Variants in CIITA observed in about 807,000 individuals in gnomAD.
CIITA encodes the protein class II major histocompatibility complex transactivator, also known as MHC class II transactivator.
In CIITA, 72 loss-of-function variants were observed where a neutral mutation model predicts 115.1. The observed-to-expected ratio is 0.63, with a 90% CI of 0.52 to 0.76. The LOEUF is 0.76. Among genes scored for constraint, CIITA ranks in the 30% least tolerant of loss-of-function variants. The probability of loss-of-function intolerance (pLI) is 0.00; values close to 1 mark genes in which losing one functional copy is unlikely to be tolerated. For missense variants in CIITA, 1,617 were observed against 1,463.8 expected, an observed-to-expected ratio of 1.10 and a Z score of -1.71; for synonymous variants, 763 against 635.6, an observed-to-expected ratio of 1.20 and a Z score of -3.02.
chr16:10,893,499 T>C (rs529453527), intron 1 of CIITA, among the ~76,000 whole-genome samples: 2 of 152,264 alleles, frequency 1.3e-5, no homozygotes, highest in African/African-American at 4.8e-5. Flanking sequence ...TTTATTGAGA[T>C]GTAATTCACA....
At chr16:10,887,408 G>A (rs2037065521) in intron 1 of CIITA, among the ~76,000 whole-genome samples, 1 of 152,152 alleles carries the variant, frequency 6.6e-6, no homozygotes, top group African/African-American at 2.4e-5. Flanking sequence ...CTCAAACCAT[G>A]TCTCTAGGCA....
chr16:10,905,390 AC>A (rs2039067507), intron 10 of CIITA, among the ~76,000 whole-genome samples: 1 of 152,106 alleles, frequency 6.6e-6, no homozygotes, highest in African/African-American at 2.4e-5. Flanking sequence ...TTAACTCTTA[AC>A]ACTCCCTCCC....
intron 16 of CIITA, among the ~76,000 whole-genome samples, chr16:10,919,448 C>T (rs561475194): frequency 3.9e-5 from 6 of 152,258 alleles, no homozygotes; most frequent in South Asian, 4.1e-4. Flanking sequence ...CCACCTGCCT[C>T]GGCCTCCCAA....
At chr16:10,885,965 T>C (rs963999458) in intron 1 of CIITA, among the ~76,000 whole-genome samples, 1 of 152,192 alleles carries the variant, frequency 6.6e-6, no homozygotes, top group African/African-American at 2.4e-5. Flanking sequence ...TTTCTCTTCA[T>C]TAATGTCCCT....
In CIITA at chr16:10,922,482, G is replaced by A. The variant is rs1319803512; in HGVS notation, c.3309G>A (p.Glu1103=). ...AASLRRCPHV[E]TLAMWTPTIP... Reference sequence around the variant, plus strand: ...GCCTTCGGAGGTGTCCTCATGTGGAGACGCTGGCGTAAGTCCAGGCAACCC... The same window carrying A: ...GCCTTCGGAGGTGTCCTCATGTGGAAACGCTGGCGTAAGTCCAGGCAACCC... The change falls in exon 18 of 20, where the codon GAG becomes GAA. Residue 1103 remains glutamate, a synonymous_variant. Coordinates refer to ENST00000324288, the MANE Select transcript of CIITA (RefSeq NM_000246.4). The A allele has an allele frequency of 6.2e-6, 10 of 1,613,922 alleles. No individual in the cohort carries two copies. The South Asian group carries it at 9.9e-5, about 16-fold the overall frequency.
intron 1 of CIITA, among the ~76,000 whole-genome samples, chr16:10,892,436 G>A (rs2037693166): frequency 6.6e-6 from 1 of 152,218 alleles, no homozygotes; most frequent in Non-Finnish European, 1.5e-5. Flanking sequence ...GAACAGGGCA[G>A]TAGGAGCCTC....
intron 1 of CIITA, among the ~76,000 whole-genome samples, chr16:10,890,828 T>C (rs1238690249): frequency 1.3e-5 from 2 of 152,218 alleles, no homozygotes; most frequent in African/African-American, 4.8e-5. Context: ...GCCAGTCCCA[T>C]TGCTAAGGGC....
rs769134821 is a variant in CIITA, at chr16:10,909,024, C to A, written c.2658-5C>A. On this transcript the variant is annotated splice_polypyrimidine_tract_variant and splice_region_variant and intron_variant, in intron 11 of 19. Coordinates refer to ENST00000324288, the MANE Select transcript of CIITA (RefSeq NM_000246.4). ...GTGCCTGGGTCTGAGGCCCTCCCTC[C>A]ACAGGGCTGCCTTGAGCGACACGGT... 4 of 1,614,006 alleles carry A rather than the reference C, an allele frequency of 2.5e-6. No individual in the cohort carries two copies. Among genetic ancestry groups the A allele is most frequent in the Non-Finnish European group, 3.4e-6 (4 of 1,180,000 alleles).
chr16:10,900,608 C>T (rs534215236), intron 5 of CIITA, among the ~76,000 whole-genome samples: 3 of 152,028 alleles, frequency 2.0e-5, no homozygotes, highest in East Asian at 1.9e-4. Context: ...GGCGTGGTGG[C>T]GAACACCTGT....
intron 8 of CIITA, 105 bp downstream of exon 8, chr16:10,902,906 C>T (rs972800956): frequency 7.4e-7 from 1 of 1,355,916 alleles, no homozygotes; most frequent in African/African-American, 1.4e-5. Context: ...GCCCTAGCAC[C>T]TTCTCATGAT....
rs190976750 is a variant in CIITA at position 10,886,009 on chromosome 16, T to G, written c.52+8627T>G. Among the ~76,000 whole-genome samples, 167 of 151,998 alleles carry G rather than the reference T, an allele frequency of 1.1e-3. 1 individual carries two copies. Among genetic ancestry groups the G allele is most frequent in the African/African-American group, 3.7e-3 (153 of 41,504 alleles). On this transcript the variant is annotated intron_variant, in intron 1 of 19. Transcript: ENST00000324288. Reference sequence around the variant, plus strand: ...TACTGGGTGCCCATTCTAATGCATTTCAGGTGTATCTTTCTGTTTGTATGT... The same window carrying G: ...TACTGGGTGCCCATTCTAATGCATTGCAGGTGTATCTTTCTGTTTGTATGT...
At chr16:10,870,169 C>CAAAAAAAA (rs34256366) in intron 1 of CIITA, among the ~76,000 whole-genome samples, 1 of 46,246 alleles carries the variant, frequency 2.2e-5, no homozygotes, top group Admixed American at 3.3e-4. Context: ...GTACTTCCTG[C>CAAAAAAAA]AAAAAAAAAA....
At chr16:10,921,357 A>G (rs1252341402) in intron 16 of CIITA, among the ~76,000 whole-genome samples, 1 of 152,240 alleles carries the variant, frequency 6.6e-6, no homozygotes, top group East Asian at 1.9e-4. Context: ...AATATGCTGC[A>G]GAAACTGGAG....
intron 1 of CIITA, among the ~76,000 whole-genome samples, chr16:10,891,033 A>G (rs2037516983): frequency 6.6e-6 from 1 of 152,058 alleles, no homozygotes; most frequent in Non-Finnish European, 1.5e-5. Flanking sequence ...TCCCTTCTCA[A>G]TTTATTTCTC....
At chr16:10,890,300 C>G (rs1002839803) in intron 1 of CIITA, among the ~76,000 whole-genome samples, 15 of 145,810 alleles carry the variant, frequency 1.0e-4, no homozygotes, top group Admixed American at 9.6e-4. Flanking sequence ...TTTTTTTTTT[C>G]TGAGACACAG....
chr16:10,904,436 G>C lies in CIITA; in HGVS notation c.938-308G>C, dbSNP rs113193507. ...AAGTTTAACCATGTTGGCCAGGCTG[G>C]TCTCGAACTCCTGATCTCAAGTGAT... On this transcript the variant is annotated intron_variant, in intron 9 of 19. Transcript: ENST00000324288. 5.5e-3 allele frequency among the ~76,000 whole-genome samples: 837 copies of C among 152,240 alleles called. 7 individuals are homozygous for C. The highest frequency in any genetic ancestry group is 0.02 in the African/African-American group (813 of 41,514).
intron 12 of CIITA, among the ~76,000 whole-genome samples, chr16:10,909,615 T>C (rs1177240653): frequency 6.6e-6 from 1 of 152,248 alleles, no homozygotes; most frequent in Non-Finnish European, 1.5e-5. Context: ...TGTCTTTCAT[T>C]CATTCCTTCA....
intron 15 of CIITA, among the ~76,000 whole-genome samples, chr16:10,917,668 C>G (rs549495872): frequency 1.1e-4 from 16 of 151,858 alleles, no homozygotes; most frequent in Admixed American, 6.6e-5. Context: ...TTAGTAGAGA[C>G]GGGGTTTCAC....
intron 14 of CIITA, 26 bp from the exon 15 acceptor site, chr16:10,916,341 T>C: frequency 6.2e-7 from 1 of 1,610,380 alleles, no homozygotes; most frequent in South Asian, 1.1e-5. Flanking sequence ...CGCTAGCTGA[T>C]GGCCCCCATC....
Sources: allele counts gnomAD v4.1 joint callset (sites outside exome capture counted in the v4.1 genomes callset), GRCh38; gene constraint gnomAD v4.1.1; transcripts MANE v1.5; gene names NCBI Gene and HGNC (gene_info 2026-07-23, HGNC 2026-07-21).